The following ZMAT4 variants were observed in gnomAD, a reference collection of about 807,000 sequenced individuals.
ZMAT4 encodes zinc finger matrin-type protein 4.
A neutral mutation model predicts 28.7 loss-of-function variants in ZMAT4; 17 were observed. The observed-to-expected ratio is 0.59, with a 90% CI of 0.41 to 0.89. The LOEUF is 0.89. Among genes scored for constraint, ZMAT4 ranks in the 40% least tolerant of loss-of-function variants. ZMAT4 has a pLI of 0.00. For missense variants in ZMAT4, 240 were observed against 283.8 expected (o/e 0.85, Z 1.11); for synonymous variants, 117 against 109.2 (o/e 1.07, Z -0.44).
At chr8:40,556,143 C>T (rs1232553474) in intron 6 of ZMAT4, among the ~76,000 whole-genome samples, 2 of 152,008 alleles carry the variant, frequency 1.3e-5, no homozygotes, top group Non-Finnish European at 2.9e-5. Flanking sequence ...CCTTGCTTGC[C>T]TCTCTCCTTA....
chr8:40,611,395 C>G (rs965176804), intron 5 of ZMAT4, among the ~76,000 whole-genome samples: 1 of 151,980 alleles, frequency 6.6e-6, no homozygotes, highest in African/African-American at 2.4e-5. Flanking sequence ...CTCTGTCACC[C>G]AGTGGCGCGA....
chr8:40,764,747 G>A (rs747873594), intron 3 of ZMAT4, among the ~76,000 whole-genome samples: 5 of 152,124 alleles, frequency 3.3e-5, no homozygotes, highest in Non-Finnish European at 7.4e-5. Context: ...AATAATACAT[G>A]CAGAAAGTGC....
At chr8:40,578,225 T>G (rs919478520) in intron 6 of ZMAT4, among the ~76,000 whole-genome samples, 1 of 152,046 alleles carries the variant, frequency 6.6e-6, no homozygotes, top group African/African-American at 2.4e-5. Flanking sequence ...CACGTACACA[T>G]GTATGTAAAT....
intron 1 of ZMAT4, among the ~76,000 whole-genome samples, chr8:40,881,035 G>A (rs1166809271): frequency 6.6e-6 from 1 of 152,096 alleles, no homozygotes; most frequent in Non-Finnish European, 1.5e-5. Context: ...AACCTCTCTT[G>A]AGACTACTTA....
intron 5 of ZMAT4, among the ~76,000 whole-genome samples, chr8:40,641,323 GA>G (rs553414067): frequency 2.6e-5 from 4 of 151,832 alleles, no homozygotes; most frequent in Admixed American, 1.3e-4. Context: ...CAATATAATG[GA>G]AAAAAAAGTC....
chr8:40,788,758 A>T (rs1814193581), intron 2 of ZMAT4, among the ~76,000 whole-genome samples: 2 of 146,654 alleles, frequency 1.4e-5, no homozygotes, highest in Non-Finnish European at 3.1e-5. Context: ...AAAAACAAGG[A>T]CATTACAAGG....
intron 3 of ZMAT4, among the ~76,000 whole-genome samples, chr8:40,758,485 G>A (rs1377425357): frequency 6.6e-6 from 1 of 152,148 alleles, no homozygotes; most frequent in Non-Finnish European, 1.5e-5. Flanking sequence ...AAAGAACTAT[G>A]GCACGGTCAT....
At chr8:40,670,760 A>G (rs1294912610) in intron 5 of ZMAT4, among the ~76,000 whole-genome samples, 1 of 152,092 alleles carries the variant, frequency 6.6e-6, no homozygotes, top group Non-Finnish European at 1.5e-5. Flanking sequence ...ACAAATGACC[A>G]ATAAGCACAT....
At chr8:40,647,993 T>C (rs1329074975) in intron 5 of ZMAT4, among the ~76,000 whole-genome samples, 3 of 151,976 alleles carry the variant, frequency 2.0e-5, no homozygotes, top group African/African-American at 4.8e-5. Context: ...ACAGAAAAAC[T>C]GGAAACTCTA....
At chr8:40,619,878 C>T (rs1806136582) in intron 5 of ZMAT4, among the ~76,000 whole-genome samples, 1 of 152,176 alleles carries the variant, frequency 6.6e-6, no homozygotes, top group African/African-American at 2.4e-5. Flanking sequence ...AATGCATGCC[C>T]TTTAACTGTG....
chr8:40,747,138 A>G (rs1008173990), intron 3 of ZMAT4, among the ~76,000 whole-genome samples: 2 of 152,226 alleles, frequency 1.3e-5, no homozygotes, highest in Non-Finnish European at 2.9e-5. Flanking sequence ...ATAAAAATGG[A>G]TAATGATTTC....
At chr8:40,732,834 C>CTTTTT (rs11461186) in intron 3 of ZMAT4, among the ~76,000 whole-genome samples, 6 of 67,022 alleles carry the variant, frequency 9.0e-5, no homozygotes, top group African/African-American at 1.1e-4. Context: ...GCAAGACCTC[C>CTTTTT]TTTTTTTTTT....
At chr8:40,794,878 TGG>T (rs924844793) in intron 2 of ZMAT4, among the ~76,000 whole-genome samples, 30 of 143,120 alleles carry the variant, frequency 2.1e-4, no homozygotes, top group African/African-American at 7.8e-4. Flanking sequence ...GGCTTACAGG[TGG>T]CGGGGGAGGG....
chr8:40,564,363 T>C (rs1332228262), intron 6 of ZMAT4, among the ~76,000 whole-genome samples: 2 of 152,118 alleles, frequency 1.3e-5, no homozygotes, highest in East Asian at 3.9e-4. Flanking sequence ...AAGGCCAAGA[T>C]TTTCATTGCT....
At chr8:40,595,475 G>A (rs1286522133) in intron 5 of ZMAT4, among the ~76,000 whole-genome samples, 2 of 152,142 alleles carry the variant, frequency 1.3e-5, no homozygotes, top group African/African-American at 2.4e-5. Flanking sequence ...GTGAACATCA[G>A]AGTGTACTTA....
intron 3 of ZMAT4, among the ~76,000 whole-genome samples, chr8:40,708,462 G>A (rs1409320267): frequency 6.6e-6 from 1 of 152,006 alleles, no homozygotes; most frequent in African/African-American, 2.4e-5. Flanking sequence ...TGGAGACAAA[G>A]CAAAGGTTCA....
chr8:40,688,028 C>G (rs1809491854), intron 4 of ZMAT4, among the ~76,000 whole-genome samples: 1 of 152,180 alleles, frequency 6.6e-6, no homozygotes, highest in Admixed American at 6.5e-5. Flanking sequence ...GGATTGCACT[C>G]AGAATGCCCA....
At chr8:40,843,981 C>T (rs1011953065) in intron 1 of ZMAT4, among the ~76,000 whole-genome samples, 2 of 152,130 alleles carry the variant, frequency 1.3e-5, no homozygotes, top group South Asian at 2.1e-4. Context: ...ACCTAGAAAA[C>T]GGAGACTCAC....
intron 3 of ZMAT4, among the ~76,000 whole-genome samples, chr8:40,756,119 T>C (rs925874931): frequency 6.6e-6 from 1 of 152,052 alleles, no homozygotes; most frequent in African/African-American, 2.4e-5. Context: ...CCAGGGGTAC[T>C]TTGAGTGGGG....
Sources: allele counts gnomAD v4.1 joint callset (sites outside exome capture counted in the v4.1 genomes callset), GRCh38; gene constraint gnomAD v4.1.1; transcripts MANE v1.5; gene names NCBI Gene and HGNC (gene_info 2026-07-23, HGNC 2026-07-21).